Variants in STARD13 observed in about 807,000 individuals in gnomAD.
STARD13 encodes StAR related lipid transfer domain containing 13.
STARD13 carries 62 observed loss-of-function variants against 106.4 expected under a neutral mutation model. The ratio of observed to expected loss-of-function variants is 0.58; its 90% CI spans 0.48 to 0.72. STARD13 has a LOEUF of 0.72. STARD13 is among the 30% of genes least tolerant of loss of function. The pLI is 0.00. For synonymous variants in STARD13, 565 were observed against 553.0 expected (o/e 1.02, Z -0.31); for missense variants, 1,387 against 1,424.0 (o/e 0.97, Z 0.42).
At chr13:33,449,088 A>T in the STARD13 span, among the ~76,000 whole-genome samples, 5 of 152,034 alleles carry the variant, frequency 3.3e-5, no homozygotes, top group Admixed American at 3.3e-4. Flanking sequence ...TGCCAAAAAA[A>T]AAAAATAGGT....
the STARD13 span, among the ~76,000 whole-genome samples, chr13:33,472,363 T>A: frequency 6.6e-6 from 1 of 152,158 alleles, no homozygotes; most frequent in Non-Finnish European, 1.5e-5. Flanking sequence ...CAAAATTCAA[T>A]CATAAAAGAA....
the STARD13 span, among the ~76,000 whole-genome samples, chr13:33,539,795 A>G: frequency 6.6e-6 from 1 of 152,278 alleles, no homozygotes; most frequent in African/African-American, 2.4e-5. Flanking sequence ...ATGCTAATGA[A>G]TATTTGGATA....
the STARD13 span, among the ~76,000 whole-genome samples, chr13:33,393,425 T>C: frequency 6.6e-6 from 1 of 152,218 alleles, no homozygotes; most frequent in South Asian, 2.1e-4. Context: ...GTATGGGTTA[T>C]GGCATCGGTA....
intron 1 of STARD13, among the ~76,000 whole-genome samples, chr13:33,245,437 T>G (rs1015072591): frequency 6.6e-6 from 1 of 152,246 alleles, no homozygotes; most frequent in Non-Finnish European, 1.5e-5. Flanking sequence ...CTTCTAGCTG[T>G]AATTGAATCA....
the STARD13 span, among the ~76,000 whole-genome samples, chr13:33,560,699 C>T: frequency 4.0e-5 from 6 of 151,496 alleles, no homozygotes; most frequent in Admixed American, 3.9e-4. Context: ...TTTTTACATT[C>T]TTAAAACATC....
At chr13:33,112,451 A>G (rs1042004466) in intron 9 of STARD13, among the ~76,000 whole-genome samples, 1 of 152,180 alleles carries the variant, frequency 6.6e-6, no homozygotes, top group Non-Finnish European at 1.5e-5. Context: ...TATCTCTATT[A>G]TCTACCTATC....
At chr13:33,165,469 C>T (rs1883213275) in intron 2 of STARD13, 51 bp from the exon 3 acceptor site, 1 of 1,363,508 alleles carries the variant, frequency 7.3e-7, no homozygotes, top group East Asian at 2.3e-5. Flanking sequence ...TCTGAATGAG[C>T]ACCAACATAT....
At chr13:33,378,634 C>CA in the STARD13 span, among the ~76,000 whole-genome samples, 20 of 151,768 alleles carry the variant, frequency 1.3e-4, no homozygotes, top group South Asian at 1.0e-3. Flanking sequence ...ACTAAAAATA[C>CA]AAAAAATCAG....
chr13:33,501,890 T>C, the STARD13 span, among the ~76,000 whole-genome samples: 1 of 152,182 alleles, frequency 6.6e-6, no homozygotes, highest in South Asian at 2.1e-4. Flanking sequence ...GTATGATCTT[T>C]AAAGTAGTTG....
chr13:33,500,363 A>G, the STARD13 span, among the ~76,000 whole-genome samples: 1 of 152,216 alleles, frequency 6.6e-6, no homozygotes, highest in African/African-American at 2.4e-5. Context: ...TTTTAAAAAC[A>G]TAGTTGAAAT....
At chr13:33,320,276 G>T (rs1893506780) in intron 1 of STARD13, among the ~76,000 whole-genome samples, 1 of 152,200 alleles carries the variant, frequency 6.6e-6, no homozygotes, top group Non-Finnish European at 1.5e-5. Context: ...CTTGAGCCAG[G>T]AGCTGAGGGC....
chr13:33,199,784 T>C (rs1886885289), intron 1 of STARD13, among the ~76,000 whole-genome samples: 1 of 152,216 alleles, frequency 6.6e-6, no homozygotes, highest in Admixed American at 6.5e-5. Context: ...AATTTATGGT[T>C]AGTTTGAGAA....
At chr13:33,385,873 AAAAATT>A in the STARD13 span, among the ~76,000 whole-genome samples, 22 of 151,626 alleles carry the variant, frequency 1.5e-4, no homozygotes, top group African/African-American at 4.3e-4. Context: ...ACAAAAAAAA[AAAAATT>A]AAAATTAAAT....
At position 33,127,496 on chromosome 13, in the gene STARD13, G is replaced by C; in HGVS notation, c.1799C>G (p.Pro600Arg). 6.3e-7 allele frequency: 1 copy of C among 1,583,000 alleles called. No individual in the cohort carries two copies. ...CTGGCTGCTGATGTGGGGCGATGCTGGGGCCGGCCGGGGCTGGTGCGACAG... is the reference window on the plus strand; with the variant it reads ...CTGGCTGCTGATGTGGGGCGATGCTCGGGCCGGCCGGGGCTGGTGCGACAG... ...FQLSHQPRPA[P>R]ASPHISSQTA... The change falls in exon 6 of 14, where the codon CCA (proline) becomes CGA (arginine). Residue 600 changes from proline to arginine, a missense_variant. Pro to Arg is a moderately radical substitution (Grantham distance 103). Transcript: ENST00000336934.
At chr13:33,361,993 T>G in the STARD13 span, among the ~76,000 whole-genome samples, 2 of 152,366 alleles carry the variant, frequency 1.3e-5, no homozygotes, top group Non-Finnish European at 2.9e-5. Context: ...ATATTTGTTG[T>G]AATTATTTTT....
intron 3 of STARD13, among the ~76,000 whole-genome samples, chr13:33,159,272 G>C (rs1302272623): frequency 6.6e-6 from 1 of 152,116 alleles, no homozygotes; most frequent in Non-Finnish European, 1.5e-5. Context: ...TTATTATCCT[G>C]AACTTTATAT....
chr13:33,282,009 TA>T (rs1200232331), intron 1 of STARD13, among the ~76,000 whole-genome samples: 6 of 152,070 alleles, frequency 3.9e-5, no homozygotes, highest in Non-Finnish European at 2.9e-5. Context: ...TTTACCACAA[TA>T]AAAAAAATTA....
the STARD13 span, among the ~76,000 whole-genome samples, chr13:33,355,915 C>A: frequency 6.6e-6 from 1 of 152,192 alleles, no homozygotes; most frequent in Non-Finnish European, 1.5e-5. Flanking sequence ...AGGCTCCACA[C>A]TTTCTTGGAA....
chr13:33,623,428 TAAA>T, the STARD13 span, among the ~76,000 whole-genome samples: 3,589 of 58,746 alleles, frequency 0.061, 59 homozygotes, highest in East Asian at 0.23. Flanking sequence ...CTCAATAAAG[TAAA>T]AAAAAAAAAA....
Sources: allele counts gnomAD v4.1 joint callset (sites outside exome capture counted in the v4.1 genomes callset), GRCh38; gene constraint gnomAD v4.1.1; transcripts MANE v1.5; gene names NCBI Gene and HGNC (gene_info 2026-07-23, HGNC 2026-07-21).